Variants in FA2H observed in about 807,000 individuals in gnomAD.
FA2H encodes the protein fatty acid alpha-hydroxylase.
A neutral mutation model predicts 44.9 loss-of-function variants in FA2H; 22 were observed. The observed-to-expected ratio is 0.49, with a 90% confidence interval of 0.35 to 0.70. FA2H has a LOEUF of 0.70. Among genes scored for constraint, FA2H ranks in the 30% least tolerant of loss-of-function variants. FA2H has a pLI of 0.01. For synonymous variants in FA2H, 243 were observed against 213.2 expected (o/e 1.14, Z -1.22); for missense variants, 501 against 504.9 (o/e 0.99, Z 0.07).
chr16:74,729,619 C>T (rs942480623), intron 2 of FA2H, among the ~76,000 whole-genome samples: 12 of 152,200 alleles, frequency 7.9e-5, no homozygotes, highest in African/African-American at 2.9e-4. Context: ...CTCCAGGCAA[C>T]TAGAAGCCCT....
intron 4 of FA2H, among the ~76,000 whole-genome samples, chr16:74,720,167 A>G (rs74250246): frequency 1.7e-5 from 1 of 57,692 alleles, no homozygotes; most frequent in African/African-American, 6.3e-5. Flanking sequence ...TGCTCCATAT[A>G]TTCATCCTCA....
intron 1 of FA2H, among the ~76,000 whole-genome samples, chr16:74,740,578 C>A (rs1402005340): frequency 6.7e-6 from 1 of 150,292 alleles, no homozygotes; most frequent in Non-Finnish European, 1.5e-5. Context: ...CGAGATCCAG[C>A]CTGGCACTCC....
chr16:74,756,245 A>G (rs1018994286), intron 1 of FA2H, among the ~76,000 whole-genome samples: 1 of 152,206 alleles, frequency 6.6e-6, no homozygotes, highest in African/African-American at 2.4e-5. Flanking sequence ...AAGAATAAGC[A>G]GGACCCACCT....
intron 2 of FA2H, among the ~76,000 whole-genome samples, chr16:74,732,011 T>G (rs1962080159): frequency 6.6e-6 from 1 of 152,304 alleles, no homozygotes; most frequent in Admixed American, 6.5e-5. Context: ...TAGCTGGGAC[T>G]ATAGGCTCAC....
At chr16:74,743,596 G>C (rs555180856) in intron 1 of FA2H, among the ~76,000 whole-genome samples, 1 of 152,188 alleles carries the variant, frequency 6.6e-6, no homozygotes, top group African/African-American at 2.4e-5. Context: ...GCTGGAAGAG[G>C]GGGCACCCTC....
rs778973971 is a variant in FA2H, at chr16:74,719,072, G to A, written c.702C>T (p.His234=). The stretch of plus-strand genomic sequence containing the variant: ...GGGGCTTCATGTGGAACAGGAAGCG[G>A]TGGATGAGGTACTCGATGAGGCTCC... ...FLWSLIEYLI[H]RFLFHMKPPS... Residue 234 remains histidine, a synonymous_variant, in exon 5 of 7, where the codon CAC becomes CAT. Transcript: ENST00000219368. 1 of 1,614,062 alleles carries A rather than the reference G, an allele frequency of 6.2e-7. No homozygotes were observed. The highest frequency in any genetic ancestry group is 8.5e-7 in the Non-Finnish European group (1 of 1,180,032).
intron 1 of FA2H, among the ~76,000 whole-genome samples, chr16:74,768,821 T>C (rs1962854032): frequency 6.6e-6 from 1 of 152,308 alleles, no homozygotes; most frequent in Non-Finnish European, 1.5e-5. Flanking sequence ...TTCTCAGCCA[T>C]GCTGAGACAG....
chr16:74,740,834 G>A (rs1597556904), intron 1 of FA2H, among the ~76,000 whole-genome samples: 1 of 152,180 alleles, frequency 6.6e-6, no homozygotes, highest in East Asian at 1.9e-4. Context: ...GAGTCCCAGG[G>A]TAGCGCCCAG....
At chr16:74,751,041 C>A (rs1467344540) in intron 1 of FA2H, among the ~76,000 whole-genome samples, 1 of 151,856 alleles carries the variant, frequency 6.6e-6, no homozygotes, top group African/African-American at 2.4e-5. Context: ...CCTCAGCCTC[C>A]CAAACTTCTG....
chr16:74,720,637 A>G (rs966567823), intron 4 of FA2H, among the ~76,000 whole-genome samples: 1 of 152,162 alleles, frequency 6.6e-6, no homozygotes, highest in African/African-American at 2.4e-5. Flanking sequence ...AGTGCTTTTT[A>G]GTACACTCAC....
At chr16:74,769,454 A>G (rs910028423) in intron 1 of FA2H, among the ~76,000 whole-genome samples, 31 of 152,204 alleles carry the variant, frequency 2.0e-4, no homozygotes, top group African/African-American at 7.5e-4. Flanking sequence ...ATCGCCAAGC[A>G]TGAGTACATG....
intron 6 of FA2H, among the ~76,000 whole-genome samples, chr16:74,715,084 C>G (rs1260742355): frequency 6.6e-6 from 1 of 151,868 alleles, no homozygotes; most frequent in African/African-American, 2.4e-5. Context: ...GTGATCTGCC[C>G]GTCTCGGCCT....
At chr16:74,715,376 C>T (rs555278840) in intron 6 of FA2H, among the ~76,000 whole-genome samples, 5 of 152,074 alleles carry the variant, frequency 3.3e-5, no homozygotes, top group Admixed American at 3.3e-4. Flanking sequence ...ATTGCTGCCT[C>T]AAACTCCTGG....
At chr16:74,741,937 T>C (rs1962320836) in intron 1 of FA2H, among the ~76,000 whole-genome samples, 1 of 150,704 alleles carries the variant, frequency 6.6e-6, no homozygotes. Flanking sequence ...ACATCATACA[T>C]GGAAATGCCT....
intron 1 of FA2H, among the ~76,000 whole-genome samples, chr16:74,774,019 C>G (rs1006024367): frequency 6.6e-6 from 1 of 152,108 alleles, no homozygotes; most frequent in African/African-American, 2.4e-5. Flanking sequence ...ATCTGTGCCT[C>G]TTTGAAGCAG....
rs372350326 is a variant in FA2H at position 74,727,307 on chromosome 16, G to A, written c.443C>T (p.Pro148Leu). ...GEKYDEWVHQ[P>L]VTRPIRLFHS... ...GAAGAGGCGGATGGGCCTGGTCACC[G>A]GCTGGTGAACCCACTCATCGTACTT... The change falls in exon 3 of 7, where the codon CCG becomes CTG. Residue 148 changes from proline (P) to leucine (L), a missense_variant. Pro to Leu is a moderately conservative substitution (Grantham distance 98). Transcript: ENST00000219368. The A allele has an allele frequency of 2.5e-5, 40 of 1,614,086 alleles. No individual in the cohort carries two copies. Among genetic ancestry groups the A allele is most frequent in the Non-Finnish European group, 3.1e-5 (36 of 1,179,968 alleles).
intron 2 of FA2H, among the ~76,000 whole-genome samples, chr16:74,737,524 C>A (rs1398825797): frequency 6.6e-6 from 1 of 152,218 alleles, no homozygotes; most frequent in Non-Finnish European, 1.5e-5. Flanking sequence ...ATCCTTCTAA[C>A]TCTGCCCTGG....
At chr16:74,766,990 G>A (rs1232564092) in intron 1 of FA2H, among the ~76,000 whole-genome samples, 2 of 151,828 alleles carry the variant, frequency 1.3e-5, no homozygotes, top group Non-Finnish European at 2.9e-5. Flanking sequence ...TCTGGGTGGT[G>A]GCAACAGAGA....
intron 4 of FA2H, among the ~76,000 whole-genome samples, chr16:74,720,356 T>C (rs1045534448): frequency 8.6e-5 from 13 of 151,486 alleles, no homozygotes; most frequent in African/African-American, 2.7e-4. Flanking sequence ...CCACCACACC[T>C]GGCTAATTTT....
Sources: allele counts gnomAD v4.1 joint callset (sites outside exome capture counted in the v4.1 genomes callset), GRCh38; gene constraint gnomAD v4.1.1; transcripts MANE v1.5; gene names NCBI Gene and HGNC (gene_info 2026-07-23, HGNC 2026-07-21).